The following MUC13 variants were observed in gnomAD, a reference collection of about 807,000 sequenced individuals.
The protein encoded by MUC13 is mucin-13.
MUC13 carries 32 observed loss-of-function variants against 48.3 expected under a neutral mutation model. That is an observed-to-expected ratio of 0.66 (90% CI 0.50 to 0.89). The LOEUF is 0.89. Among genes scored for constraint, MUC13 ranks in the 40% least tolerant of loss-of-function variants. MUC13 has a pLI of 0.00. For synonymous variants in MUC13, 199 were observed against 224.9 expected, an observed-to-expected ratio of 0.88 and a Z score of 1.03; for missense variants, 571 against 622.8, an observed-to-expected ratio of 0.92 and a Z score of 0.88.
intron 4 of MUC13, among the ~76,000 whole-genome samples, chr3:124,921,280 G>T (rs1364900274): frequency 1.3e-5 from 2 of 151,998 alleles, no homozygotes; most frequent in Admixed American, 1.3e-4. Context: ...CTCCTGAGTA[G>T]CTGGGATTAC....
At position 124,917,717 on chromosome 3, in the gene MUC13, C is replaced by T. The variant is rs375236485; in HGVS notation, c.801-1237G>A. The stretch of plus-strand genomic sequence containing the variant: ...AGCATTGTAATTTAATATTTTCTAC[C>T]ATAATTCATTTATGATGGGATTTGG... On this transcript the variant is annotated intron_variant, in intron 5 of 11. Coordinates refer to ENST00000616727, the MANE Select transcript of MUC13 (RefSeq NM_033049.4). Among the ~76,000 whole-genome samples, 9 of 114,922 alleles carry T rather than the reference C, an allele frequency of 7.8e-5. No individual in the cohort carries two copies. The South Asian group carries it at 2.6e-3, about 34-fold the overall frequency. The allele number at this position is 114,922 out of a possible 152,430, so 75.4% of individuals were successfully genotyped here. A position where few individuals can be genotyped will look rare whatever the true frequency, so the allele number is the denominator to read the frequency against.
At chr3:124,909,485 CGTGTGTGT>C (rs71148156) in intron 10 of MUC13, among the ~76,000 whole-genome samples, 112 of 148,102 alleles carry the variant, frequency 7.6e-4, no homozygotes, top group South Asian at 1.1e-3. Flanking sequence ...TGTGTGCTTG[CGTGTGTGT>C]GTGTGTGTGT....
intron 2 of MUC13, among the ~76,000 whole-genome samples, chr3:124,927,283 A>T (rs1332743806): frequency 6.6e-6 from 1 of 152,190 alleles, no homozygotes; most frequent in East Asian, 1.9e-4. Flanking sequence ...ATTAAAAAAA[A>T]TACTGCACAG....
chr3:124,911,276 C>T (rs938996149), intron 9 of MUC13, among the ~76,000 whole-genome samples: 6 of 152,176 alleles, frequency 3.9e-5, no homozygotes, highest in Admixed American at 6.5e-5. Context: ...TAGACCTCTT[C>T]GTCTCTTTCT....
chr3:124,920,809 G>A (rs1450806962), intron 4 of MUC13, among the ~76,000 whole-genome samples: 5 of 152,234 alleles, frequency 3.3e-5, no homozygotes, highest in South Asian at 2.1e-4. Flanking sequence ...CCACATTGAT[G>A]TTGCTGTCTT....
At chr3:124,915,334 T>C (rs189605615) in intron 6 of MUC13, among the ~76,000 whole-genome samples, 374 of 152,352 alleles carry the variant, frequency 2.5e-3, no homozygotes, top group Non-Finnish European at 4.3e-3. Flanking sequence ...CTTTAGCCAA[T>C]TGGACAGTTG....
intron 5 of MUC13, 150 bp downstream of exon 5, chr3:124,920,084 C>G (rs1178408321): frequency 1.4e-6 from 1 of 734,708 alleles, no homozygotes; most frequent in African/African-American, 1.8e-5. Flanking sequence ...GGCACACAGT[C>G]CCCTTTGCAG....
At chr3:124,912,209 C>T (rs1178617339) in intron 8 of MUC13, 68 bp from the exon 9 acceptor site, 1 of 1,584,738 alleles carries the variant, frequency 6.3e-7, no homozygotes, top group Non-Finnish European at 8.6e-7. Context: ...AGAGTTCCCA[C>T]CCCAATCTCC....
chr3:124,920,120 C>T, intron 5 of MUC13, 114 bp downstream of exon 5: 1 of 892,598 alleles, frequency 1.1e-6, no homozygotes, highest in Non-Finnish European at 1.8e-6. Context: ...TGACCCTCTC[C>T]TCTTAACTTG....
chr3:124,927,735 G>A lies in MUC13; in HGVS notation c.311C>T (p.Ala104Val), dbSNP rs2107673350. 5.0e-6 allele frequency: 8 copies of A among 1,614,194 alleles called. No homozygotes were observed. Among genetic ancestry groups the A allele is most frequent in the Non-Finnish European group, 6.8e-6 (8 of 1,180,024 alleles). Residue 104 changes from alanine (A) to valine (V), a missense_variant, in exon 2 of 12, where the codon GCA becomes GTA. Ala to Val is a moderately conservative substitution (Grantham distance 64). Coordinates refer to ENST00000616727, the MANE Select transcript of MUC13 (RefSeq NM_033049.4). The stretch of plus-strand genomic sequence containing the variant: ...TACATTTGTGGTTGACTCACTGTCT[G>A]CAGCAGTAGGTATAGGAATTGTGGA... ...SSSTIPIPTAADSESTTNVNS... is the reference protein window; with the variant it reads ...SSSTIPIPTAVDSESTTNVNS...
chr3:124,920,076 C>T (rs1377305395), intron 5 of MUC13, 158 bp downstream of exon 5: 2 of 713,418 alleles, frequency 2.8e-6, no homozygotes, highest in Non-Finnish European at 4.8e-6. Context: ...AGGGCCAAGG[C>T]ACACAGTCCC....
chr3:124,916,899 C>T (rs1440223613), intron 5 of MUC13, among the ~76,000 whole-genome samples: 3 of 152,044 alleles, frequency 2.0e-5, no homozygotes, highest in Non-Finnish European at 2.9e-5. Flanking sequence ...CAGAGGGGCG[C>T]GTGTCCCTCC....
In MUC13 at chr3:124,905,652, TG is replaced by T. The variant is rs1212318462; in HGVS notation, c.*1090del. On this transcript the variant is annotated 3_prime_UTR_variant, in exon 12 of 12. Coordinates refer to ENST00000616727, the MANE Select transcript of MUC13 (RefSeq NM_033049.4). Reference sequence around the variant, plus strand: ...GTGGTTGTGTGTTGGTGGCCACAGCTGAGCCTCTGTCACCAGAGAAGGCTGA... The same window carrying T: ...GTGGTTGTGTGTTGGTGGCCACAGCTAGCCTCTGTCACCAGAGAAGGCTGA... The T allele has an allele frequency of 6.5e-6, 1 of 153,244 alleles. No homozygotes were observed. Among genetic ancestry groups the T allele is most frequent in the East Asian group, 1.9e-4 (1 of 5,192 alleles). The allele number at this position is 153,244 out of a possible 1,614,324, so 9.5% of individuals were successfully genotyped here.
At chr3:124,912,575 A>C (rs1935440773) in intron 8 of MUC13, among the ~76,000 whole-genome samples, 1 of 152,236 alleles carries the variant, frequency 6.6e-6, no homozygotes, top group Non-Finnish European at 1.5e-5. Context: ...AAATTAAGAC[A>C]TTCCTGACAA....
At position 124,912,121 on chromosome 3, in the gene MUC13, C is replaced by T. The variant is rs756705735; in HGVS notation, c.1235G>A (p.Gly412Glu). The T allele has an allele frequency of 6.2e-7, 1 of 1,613,040 alleles. No individual in the cohort carries two copies. The highest frequency in any genetic ancestry group is 8.5e-7 in the Non-Finnish European group (1 of 1,179,574). Residue 412 changes from glycine (G) to glutamate (E), a missense_variant, in exon 9 of 12, where the codon GGA (glycine) becomes GAA (glutamate). By Grantham distance (98) the Gly-to-Glu change is moderately conservative (BLOSUM62 -2). Coordinates refer to ENST00000616727, the MANE Select transcript of MUC13 (RefSeq NM_033049.4). ...ATACTCACTGTCCTTACAGTCGAGT[C>T]CACTGTAGCCAAATGCACACCTGAA... Reference protein sequence around the residue: ...NCQKCAFGYSGLDCKDKFQLI... With the variant: ...NCQKCAFGYSELDCKDKFQLI...
chr3:124,913,442 A>G lies in MUC13; in HGVS notation c.1084+120T>C. 3.3e-6 allele frequency: 5 copies of G among 1,529,350 alleles called. No individual in the cohort carries two copies. The South Asian group carries it at 6.1e-5, about 19-fold the overall frequency. 94.7% of individuals were successfully genotyped at this position (1,529,350 alleles called of 1,614,324 possible). On this transcript the variant is annotated intron_variant, in intron 7 of 11. Coordinates refer to ENST00000616727, the MANE Select transcript of MUC13 (RefSeq NM_033049.4). ...AGCCATGGTCCATATGTCTAAAGTC[A>G]GAAGTCAGATCACTCGGACTCTGAA...
chr3:124,906,938 C>T (rs1189378724), intron 11 of MUC13, among the ~76,000 whole-genome samples, 196 bp from the exon 12 acceptor site: 1 of 152,174 alleles, frequency 6.6e-6, no homozygotes, highest in African/African-American at 2.4e-5. Context: ...CTCCCTTTCT[C>T]CTCTTCCTTT....
intron 5 of MUC13, among the ~76,000 whole-genome samples, chr3:124,918,608 C>T (rs545418591): frequency 7.9e-5 from 12 of 152,136 alleles, no homozygotes; most frequent in Non-Finnish European, 1.5e-4. Flanking sequence ...CAGATTATCC[C>T]AATTATACAG....
At chr3:124,912,238 T>C in intron 8 of MUC13, 97 bp from the exon 9 acceptor site, 1 of 1,528,064 alleles carries the variant, frequency 6.5e-7, no homozygotes, top group Non-Finnish European at 8.9e-7. Context: ...CTTTCCATCT[T>C]CCTTTTATTC....
Sources: allele counts gnomAD v4.1 joint callset (sites outside exome capture counted in the v4.1 genomes callset), GRCh38; gene constraint gnomAD v4.1.1; transcripts MANE v1.5; gene names NCBI Gene and HGNC (gene_info 2026-07-23, HGNC 2026-07-21).